The following LMO7 variants were observed in gnomAD, a reference collection of about 807,000 sequenced individuals.
The protein encoded by LMO7 is LIM domain 7.
LMO7 carries 120 observed loss-of-function variants against 206.5 expected under a neutral mutation model. The observed-to-expected ratio is 0.58, with a 90% CI of 0.50 to 0.68. LMO7 has a LOEUF of 0.68. LMO7 is among the 30% of genes least tolerant of loss of function. The pLI, the probability that LMO7 is intolerant of heterozygous loss-of-function variation, is 0.00. For missense variants in LMO7, 1,959 were observed against 1,957.9 expected (o/e 1.00, Z -0.01); for synonymous variants, 706 against 681.5 (o/e 1.04, Z -0.56).
intron 4 of LMO7, among the ~76,000 whole-genome samples, chr13:75,793,490 G>A (rs2140701325): frequency 6.6e-6 from 1 of 152,254 alleles, no homozygotes; most frequent in South Asian, 2.1e-4. Context: ...TGGCCAGGCT[G>A]GTCTTGAACT....
chr13:75,810,931 G>A (rs2056304159), intron 11 of LMO7, among the ~76,000 whole-genome samples: 1 of 152,226 alleles, frequency 6.6e-6, no homozygotes, highest in Admixed American at 6.5e-5. Flanking sequence ...TCCCAAGATA[G>A]TTGTTTCGGA....
chr13:75,748,689 G>C (rs1476951903), intron 3 of LMO7, among the ~76,000 whole-genome samples: 1 of 152,188 alleles, frequency 6.6e-6, no homozygotes, highest in Admixed American at 6.5e-5. Context: ...TCTAAGTAGG[G>C]AAGGGGCTCT....
chr13:75,668,227 AAAAAC>A (rs1419848260), intron 1 of LMO7, among the ~76,000 whole-genome samples: 47 of 152,038 alleles, frequency 3.1e-4, no homozygotes, highest in African/African-American at 1.1e-3. Context: ...CCAAAAAACA[AAAAAC>A]AAAACCAGGC....
chr13:75,643,212 G>T (rs1372995889), intron 1 of LMO7, among the ~76,000 whole-genome samples: 1 of 152,136 alleles, frequency 6.6e-6, no homozygotes, highest in Admixed American at 6.6e-5. Flanking sequence ...GACTGCTGTT[G>T]AGACTAAACA....
chr13:75,636,244 T>G (rs1219488377), upstream of LMO7: 5 of 947,580 alleles, frequency 5.3e-6, no homozygotes, highest in African/African-American at 1.0e-4. Context: ...AAGCGGCGAC[T>G]CGGCGGGCCC....
chr13:75,731,539 G>C (rs560030777), intron 3 of LMO7, among the ~76,000 whole-genome samples: 1 of 151,972 alleles, frequency 6.6e-6, no homozygotes, highest in African/African-American at 2.4e-5. Flanking sequence ...ATGTGAGATG[G>C]GTTTCCTGAA....
At chr13:75,793,297 C>T (rs780149747) in intron 4 of LMO7, among the ~76,000 whole-genome samples, 3 of 152,104 alleles carry the variant, frequency 2.0e-5, no homozygotes, top group Non-Finnish European at 2.9e-5. Context: ...TTTTTTGAGA[C>T]GGAGTCTTGC....
chr13:75,637,626 G>T (rs1217384133), intron 1 of LMO7, among the ~76,000 whole-genome samples: 2 of 152,208 alleles, frequency 1.3e-5, no homozygotes, highest in Non-Finnish European at 2.9e-5. Context: ...TTGATGCCAC[G>T]TGCTGGTTTA....
At position 75,858,429 on chromosome 13, in the gene LMO7, G is replaced by A. The variant is rs780685537; in HGVS notation, c.*486G>A. 6.6e-6 allele frequency: 1 copy of A among 152,580 alleles called. No homozygotes were observed. The highest frequency in any genetic ancestry group is 1.5e-5 in the Non-Finnish European group (1 of 68,218). The allele number at this position is 152,580 out of a possible 1,614,324, so 9.5% of individuals were successfully genotyped here. A position where few individuals can be genotyped will look rare whatever the true frequency, so the allele number is the denominator to read the frequency against. ...ATTTCATTAAAATCTATCCCCAAAT[G>A]TGCTTTCTGTATCCTTCCTTCTACC... On this transcript the variant is annotated 3_prime_UTR_variant, in exon 31 of 31. Transcript: ENST00000377534.
chr13:75,701,110 G>A (rs935552839), intron 1 of LMO7, among the ~76,000 whole-genome samples: 1 of 151,970 alleles, frequency 6.6e-6, no homozygotes, highest in Admixed American at 6.6e-5. Context: ...CATCTCATTT[G>A]GGTATGCACT....
At position 75,807,649 on chromosome 13, in the gene LMO7, C is replaced by A. The variant is rs770786504; in HGVS notation, c.1366C>A (p.Pro456Thr). The change falls in exon 10 of 31, where the codon CCT becomes ACT. Residue 456 changes from proline to threonine, a missense_variant. Pro to Thr is a conservative substitution (Grantham distance 38, BLOSUM62 -1). Transcript: ENST00000377534. ...RDDLEMAALD[P>T]DLENDDFFVR... ...TGACCTCGAGATGGCAGCCCTGGAT[C>A]CTGACTTAGAGAATGATGATTTCTT... 8 of 1,613,852 alleles carry A rather than the reference C, an allele frequency of 5.0e-6. No homozygotes were observed. In the East Asian group the frequency reaches 1.8e-4, roughly 36 times the overall value.
Position 75,853,165 on chromosome 13 carries a change from A to G in LMO7, c.4438A>G (p.Thr1480Ala), listed in dbSNP as rs1256469034. 2 of 1,614,124 alleles carry G rather than the reference A, an allele frequency of 1.2e-6. No individual in the cohort carries two copies. Among genetic ancestry groups the G allele is most frequent in the Non-Finnish European group, 1.7e-6 (2 of 1,179,998 alleles). Residue 1480 changes from threonine to alanine, a missense_variant, in exon 28 of 31, where the codon ACA (threonine) becomes GCA (alanine). By Grantham distance (58) the Thr-to-Ala change is moderately conservative. Transcript: ENST00000377534. ...WRQPPWLNQP[T>A]GFYASSSVQD... ...ACAGCCTCCTTGGCTCAATCAGCCC[A>G]CAGGATTCTATGCTTCTTCCTCTGT... is the stretch of plus-strand genomic sequence containing the variant.
At chr13:75,830,355 C>T (rs1434884804) in intron 15 of LMO7, among the ~76,000 whole-genome samples, 1 of 152,152 alleles carries the variant, frequency 6.6e-6, no homozygotes, top group Non-Finnish European at 1.5e-5. Context: ...TTTAATCCTT[C>T]TGTGTAGTGG....
intron 15 of LMO7, among the ~76,000 whole-genome samples, chr13:75,830,386 A>G (rs549690684): frequency 6.6e-5 from 10 of 152,190 alleles, no homozygotes; most frequent in Non-Finnish European, 1.2e-4. Flanking sequence ...GGTGGTCTGC[A>G]TAAGACTTTG....
At chr13:75,746,064 G>A (rs568733112) in intron 3 of LMO7, among the ~76,000 whole-genome samples, 3 of 152,330 alleles carry the variant, frequency 2.0e-5, no homozygotes, top group Admixed American at 2.0e-4. Context: ...GTCTCTGTGT[G>A]TATTGTTGAG....
chr13:75,808,003 T>G lies in LMO7; in HGVS notation c.1720T>G (p.Cys574Gly), dbSNP rs2055771501. Residue 574 changes from cysteine to glycine, a missense_variant, in exon 10 of 31, where the codon TGT becomes GGT. Physicochemically the swap from Cys to Gly is radical, Grantham distance 159. Coordinates refer to ENST00000377534, the MANE Select transcript of LMO7 (RefSeq NM_001306080.2). ...CCCATCCAAAGAAAAAAGTAATAGC[T>G]GTAGAATATTAGTTCCTTCATATCG... ...TCPSKEKSNS[C>G]RILVPSYRQK... 2 of 1,613,810 alleles carry G rather than the reference T, an allele frequency of 1.2e-6. No individual in the cohort carries two copies. Among genetic ancestry groups the G allele is most frequent in the Non-Finnish European group, 1.7e-6 (2 of 1,179,834 alleles).
intron 1 of LMO7, among the ~76,000 whole-genome samples, chr13:75,671,356 G>A (rs1418419375): frequency 6.6e-6 from 1 of 151,998 alleles, no homozygotes; most frequent in Non-Finnish European, 1.5e-5. Flanking sequence ...ATTTACACCA[G>A]AATCACCACA....
intron 1 of LMO7, among the ~76,000 whole-genome samples, chr13:75,676,590 A>G (rs2040036873): frequency 6.6e-6 from 1 of 152,190 alleles, no homozygotes; most frequent in African/African-American, 2.4e-5. Context: ...ACACCTGAAG[A>G]TTAGTTTGTT....
intron 1 of LMO7, among the ~76,000 whole-genome samples, chr13:75,671,686 C>T (rs184391096): frequency 1.1e-3 from 168 of 152,274 alleles, no homozygotes; most frequent in Non-Finnish European, 1.9e-3. Flanking sequence ...ACAACATTCA[C>T]GTCTTACAAT....
Sources: allele counts gnomAD v4.1 joint callset (sites outside exome capture counted in the v4.1 genomes callset), GRCh38; gene constraint gnomAD v4.1.1; transcripts MANE v1.5; gene names NCBI Gene and HGNC (gene_info 2026-07-23, HGNC 2026-07-21).